Variants in MAST4 observed in about 807,000 individuals in gnomAD.
The protein encoded by MAST4 is microtubule associated serine/threonine kinase family member 4.
MAST4 carries 89 observed loss-of-function variants against 162.7 expected under a neutral mutation model. The observed-to-expected ratio is 0.55, with a 90% CI of 0.46 to 0.65. The LOEUF is 0.65. Among genes scored for constraint, MAST4 ranks in the 30% least tolerant of loss-of-function variants. MAST4 has a pLI of 0.00. For missense variants in MAST4, 3,153 were observed against 3,374.0 expected, an observed-to-expected ratio of 0.93 and a Z score of 1.62; for synonymous variants, 1,479 against 1,361.1, an observed-to-expected ratio of 1.09 and a Z score of -1.91.
At chr5:66,743,415 A>G (rs1752579636) in intron 1 of MAST4, among the ~76,000 whole-genome samples, 1 of 152,184 alleles carries the variant, frequency 6.6e-6, no homozygotes, top group Non-Finnish European at 1.5e-5. Flanking sequence ...GGGAAGAGAG[A>G]AGCTGGGGTG....
chr5:66,970,521 G>C (rs1376439142), intron 4 of MAST4, among the ~76,000 whole-genome samples: 1 of 152,182 alleles, frequency 6.6e-6, no homozygotes, highest in African/African-American at 2.4e-5. Flanking sequence ...GCAGCGCCTT[G>C]ACTCATCCAT....
intron 3 of MAST4, among the ~76,000 whole-genome samples, chr5:66,883,949 A>G (rs557734106): frequency 6.6e-6 from 1 of 152,302 alleles, no homozygotes; most frequent in Admixed American, 6.5e-5. Flanking sequence ...ACAAAGGGAC[A>G]CTTTATTGAA....
intron 3 of MAST4, among the ~76,000 whole-genome samples, chr5:66,837,888 ATATATATTTTTTTTTTTTT>A (rs1403050027): frequency 5.7e-4 from 20 of 34,934 alleles, no homozygotes; most frequent in South Asian, 3.6e-3. Context: ...ATATATATAT[ATATATATTTTTTTTTTTTT>A]TTTTTTTTTT....
intron 3 of MAST4, among the ~76,000 whole-genome samples, chr5:66,863,949 G>A (rs1464721263): frequency 3.3e-5 from 5 of 152,232 alleles, no homozygotes; most frequent in Admixed American, 2.6e-4. Flanking sequence ...AAGCCACCCA[G>A]TGTGAGAGTT....
Position 67,168,915 on chromosome 5 carries a change from AAAAG to A in MAST4, c.*1868_*1871del, listed in dbSNP as rs1311061568. 2 of 152,226 alleles carry A rather than the reference AAAAG, an allele frequency of 1.3e-5. No individual in the cohort carries two copies. The highest frequency in any genetic ancestry group is 2.9e-5 in the Non-Finnish European group (2 of 68,044). The allele number at this position is 152,226 out of a possible 1,614,324, so 9.4% of individuals were successfully genotyped here. A position where few individuals can be genotyped will look rare whatever the true frequency, so the allele number is the denominator to read the frequency against. On this transcript the variant is annotated 3_prime_UTR_variant, in exon 29 of 29. Transcript: ENST00000403625. ...AAGGAAAAAAACAAACAAAAAAAGAAAAAGAAAAAAGCCTCCTCCTTGCCCCTAA... is the reference window on the plus strand; with the variant it reads ...AAGGAAAAAAACAAACAAAAAAAGAAAAAAAAGCCTCCTCCTTGCCCCTAA...
intron 4 of MAST4, among the ~76,000 whole-genome samples, chr5:67,025,644 G>T (rs1308333882): frequency 1.3e-5 from 2 of 152,108 alleles, no homozygotes; most frequent in African/African-American, 4.8e-5. Context: ...TAATTGAGGG[G>T]ATGTTATACA....
At chr5:66,655,432 A>G (rs57350169) in intron 1 of MAST4, among the ~76,000 whole-genome samples, 13,117 of 152,242 alleles carry the variant, frequency 0.086, 683 homozygotes, top group East Asian at 0.26. Flanking sequence ...CCAGTTTTAG[A>G]AACTGAAAGT....
chr5:66,901,247 T>C (rs539552590), intron 4 of MAST4, among the ~76,000 whole-genome samples: 1 of 152,262 alleles, frequency 6.6e-6, no homozygotes, highest in Non-Finnish European at 1.5e-5. Context: ...ATTTGAAAAC[T>C]TCAGAACTTC....
At chr5:67,108,515 G>T (rs944461831) in intron 10 of MAST4, among the ~76,000 whole-genome samples, 1 of 152,092 alleles carries the variant, frequency 6.6e-6, no homozygotes. Context: ...TATTTGAGAT[G>T]TATATATATG....
chr5:67,144,885 C>A, intron 22 of MAST4, 89 bp downstream of exon 22: 2 of 1,433,114 alleles, frequency 1.4e-6, no homozygotes, highest in Non-Finnish European at 1.9e-6. Context: ...ACCTGGGGGG[C>A]TTGTTAAAAC....
intron 3 of MAST4, among the ~76,000 whole-genome samples, chr5:66,792,841 A>G (rs1755477665): frequency 6.6e-6 from 1 of 152,210 alleles, no homozygotes; most frequent in Admixed American, 6.5e-5. Context: ...ATTTTGATTC[A>G]TTGACTAAGT....
chr5:67,078,941 T>A (rs183527905), intron 5 of MAST4, among the ~76,000 whole-genome samples: 1 of 97,398 alleles, frequency 1.0e-5, no homozygotes, highest in Non-Finnish European at 1.8e-5. Flanking sequence ...TATATATATA[T>A]ATATATATAT....
intron 4 of MAST4, among the ~76,000 whole-genome samples, chr5:66,975,760 G>T (rs1189822549): frequency 6.6e-6 from 1 of 152,108 alleles, no homozygotes; most frequent in African/African-American, 2.4e-5. Context: ...TTGGGAGGCC[G>T]AAGCAGGTGG....
Position 66,788,663 on chromosome 5 carries a change from C to A in MAST4, c.518-7C>A. The A allele has an allele frequency of 7.3e-7, 1 of 1,361,982 alleles. No individual in the cohort carries two copies. The highest frequency in any genetic ancestry group is 1.1e-5 in the South Asian group (1 of 87,814). 84.4% of individuals were successfully genotyped at this position (1,361,982 alleles called of 1,614,324 possible). On this transcript the variant is annotated splice_polypyrimidine_tract_variant and splice_region_variant and intron_variant, in intron 2 of 28. Coordinates refer to ENST00000403625, the MANE Select transcript of MAST4 (RefSeq NM_001164664.2). ...CACTTACATTTTCTTCTCTTTAACTCCAACAGGGAGGTACCTTCTTCCAAA... is the reference window on the plus strand; with the variant it reads ...CACTTACATTTTCTTCTCTTTAACTACAACAGGGAGGTACCTTCTTCCAAA...
rs115898084 is a variant in MAST4 at position 66,940,695 on chromosome 5, A to C, written c.674+40713A>C. Among the ~76,000 whole-genome samples, 1,037 of 152,160 alleles carry C rather than the reference A, an allele frequency of 6.8e-3. 15 individuals carry two copies. Among genetic ancestry groups the C allele is most frequent in the African/African-American group, 0.024 (987 of 41,510 alleles). On this transcript the variant is annotated intron_variant, in intron 4 of 28. Coordinates refer to ENST00000403625, the MANE Select transcript of MAST4 (RefSeq NM_001164664.2). ...TTCATTGAAGTCTTGAAACCCTCCC[A>C]GTCATCTGTGAGAGTTGGAATCAAT...
rs117180768 is a variant in MAST4, at chr5:67,150,974, A to T, written c.3295+1385A>T. Among the ~76,000 whole-genome samples the T allele has an allele frequency of 4.6e-5, 7 of 152,326 alleles. No individual in the cohort carries two copies. In the East Asian group the frequency reaches 9.7e-4, roughly 21 times the overall value. ...TGGATACTTTCAGCTTACGGTAGCCACAATGGAACTCACCACACCCTGGTG... is the reference window on the plus strand; with the variant it reads ...TGGATACTTTCAGCTTACGGTAGCCTCAATGGAACTCACCACACCCTGGTG... On this transcript the variant is annotated intron_variant, in intron 24 of 28. Coordinates refer to ENST00000403625, the MANE Select transcript of MAST4 (RefSeq NM_001164664.2).
At chr5:66,806,477 C>T (rs1420322317) in intron 3 of MAST4, among the ~76,000 whole-genome samples, 1 of 152,166 alleles carries the variant, frequency 6.6e-6, no homozygotes, top group Non-Finnish European at 1.5e-5. Context: ...GCTGAAAGCT[C>T]TTCATTAAGA....
intron 2 of MAST4, among the ~76,000 whole-genome samples, chr5:66,771,842 G>C (rs6862697): frequency 6.6e-6 from 1 of 150,532 alleles, no homozygotes; most frequent in East Asian, 1.9e-4. Flanking sequence ...CTGCTTTTTA[G>C]TTTTGTCTTT....
chr5:66,721,245 G>A (rs1751191402), intron 1 of MAST4, among the ~76,000 whole-genome samples: 1 of 152,098 alleles, frequency 6.6e-6, no homozygotes. Context: ...GATTCCTCTA[G>A]AGTTATACTT....
Sources: allele counts gnomAD v4.1 joint callset (sites outside exome capture counted in the v4.1 genomes callset), GRCh38; gene constraint gnomAD v4.1.1; transcripts MANE v1.5; gene names NCBI Gene and HGNC (gene_info 2026-07-23, HGNC 2026-07-21).